The following HSF4 variants were observed in gnomAD, a reference collection of about 807,000 sequenced individuals.
HSF4 encodes heat shock transcription factor 4.
A neutral mutation model predicts 52.0 loss-of-function variants in HSF4; 41 were observed. That is an observed-to-expected ratio of 0.79 (90% CI 0.61 to 1.02). The LOEUF (loss-of-function observed/expected upper bound fraction) is 1.02, where lower values mean the gene tolerates loss of function less well. Among genes scored for constraint, HSF4 ranks in the 50% least tolerant of loss-of-function variants. The pLI, the probability that HSF4 is intolerant of heterozygous loss-of-function variation, is 0.00. For missense variants in HSF4, 610 were observed against 651.1 expected (o/e 0.94, Z 0.69); for synonymous variants, 285 against 273.0 (o/e 1.04, Z -0.43).
chr16:67,164,371 T>TC, upstream of HSF4: 1 of 400,884 alleles, frequency 2.5e-6, no homozygotes, highest in East Asian at 7.5e-5. Context: ...GGGGCGTGCT[T>TC]CCCTGCCCCC....
Position 67,167,610 on chromosome 16 carries a change from C to CA in HSF4, c.854+12dup. 1 of 1,612,898 alleles carries CA rather than the reference C, an allele frequency of 6.2e-7. No homozygotes were observed. The highest frequency in any genetic ancestry group is 8.5e-7 in the Non-Finnish European group (1 of 1,179,660). On this transcript the variant is annotated intron_variant, in intron 8 of 12. Coordinates refer to ENST00000521374, the MANE Select transcript of HSF4 (RefSeq NM_001374675.1). ...CAGTGATGGCAGGAGGTAAGGGGGA[C>CA]AGGGCTGCCCCTGAGGGGCCTGTGG...
chr16:67,163,893 G>A, upstream of HSF4: 2 of 1,516,134 alleles, frequency 1.3e-6, no homozygotes, highest in Non-Finnish European at 8.8e-7. Context: ...GTCCAGGCGC[G>A]CCCCGAGTGC....
At chr16:67,167,294 C>T in intron 7 of HSF4, 72 bp downstream of exon 7, 1 of 1,610,992 alleles carries the variant, frequency 6.2e-7, no homozygotes, top group South Asian at 1.1e-5. Context: ...TCTCCCCATC[C>T]CCTAAAAGGA....
chr16:67,165,013 C>T lies in HSF4; in HGVS notation c.123+79C>T. Reference sequence around the variant, plus strand: ...AGTGAACACCCATGCCCGCCCAACCCCCTCCTGAGACTGGGCCGTGGATCC... The same window carrying T: ...AGTGAACACCCATGCCCGCCCAACCTCCTCCTGAGACTGGGCCGTGGATCC... On this transcript the variant is annotated intron_variant, in intron 1 of 12. Transcript: ENST00000521374. This position sits in a 1 kb window ranked among gnomAD's most constrained non-coding sequence, Gnocchi z 6.9. 2 of 1,418,508 alleles carry T rather than the reference C, an allele frequency of 1.4e-6. No individual in the cohort carries two copies. Among genetic ancestry groups the T allele is most frequent in the Non-Finnish European group, 1.9e-6 (2 of 1,059,888 alleles). The allele number at this position is 1,418,508 out of a possible 1,614,324, so 87.9% of individuals were successfully genotyped here.
At position 67,169,781 on chromosome 16, in the gene HSF4, C is replaced by G. The variant is rs182365484; in HGVS notation, c.1475C>G (p.Pro492Arg). Residue 492 changes from proline to arginine, a missense_variant, in exon 13 of 13, where the codon CCC (proline) becomes CGC (arginine). Physicochemically the swap from Pro to Arg is moderately radical, Grantham distance 103. Coordinates refer to ENST00000521374, the MANE Select transcript of HSF4 (RefSeq NM_001374675.1). The surrounding 1 kb of genome is among the most constrained non-coding windows in gnomAD (Gnocchi z 4.3). ...TTGGGCCCGGAAGCCAGTCCCTCCC[C>G]CTAAGACCCCGCGCCTCTGAAGGGG... Reference protein sequence around the residue: ...SYLGPEASPSP With the variant: ...SYLGPEASPSR The G allele has an allele frequency of 5.3e-5, 85 of 1,613,126 alleles. No homozygotes were observed. The highest frequency in any genetic ancestry group is 3.6e-4 in the East Asian group (16 of 44,872).
At position 67,165,755 on chromosome 16, in the gene HSF4, G is replaced by C. The variant is rs771474613; in HGVS notation, c.269G>C (p.Gly90Ala). Residue 90 changes from glycine (G) to alanine (A), a missense_variant, in exon 3 of 13, where the codon GGC (glycine) becomes GCC (alanine). Physicochemically the swap from Gly to Ala is moderately conservative, Grantham distance 60. Transcript: ENST00000521374. The surrounding 1 kb of genome is among the most constrained non-coding windows in gnomAD (Gnocchi z 6.9). ...AAGGTGGTGAGCATCGAGCAGGGCG[G>C]CCTGCTTAGGCCGGAGCGCGACCAC... Reference protein sequence around the residue: ...FRKVVSIEQGGLLRPERDHVE... With the variant: ...FRKVVSIEQGALLRPERDHVE... 7 of 1,611,128 alleles carry C rather than the reference G, an allele frequency of 4.3e-6. No individual in the cohort carries two copies. Among genetic ancestry groups the C allele is most frequent in the Non-Finnish European group, 5.9e-6 (7 of 1,179,786 alleles).
chr16:67,163,890 C>A (rs1340175389), upstream of HSF4: 7 of 1,519,282 alleles, frequency 4.6e-6, no homozygotes, highest in Admixed American at 9.9e-5. Context: ...GGTGTCCAGG[C>A]GCGCCCCGAG....
Position 67,166,540 on chromosome 16 carries a change from C to G in HSF4, c.562-18C>G. 2 of 1,613,778 alleles carry G rather than the reference C, an allele frequency of 1.2e-6. No individual in the cohort carries two copies. The highest frequency in any genetic ancestry group is 1.3e-5 in the African/African-American group (1 of 75,024). On this transcript the variant is annotated intron_variant, in intron 5 of 12. Transcript: ENST00000521374. ...GGCTGTGTCCAAAGTATGAATTAAACCTTTGCTTTCTCTTCAGCTGATCCA... is the reference window on the plus strand; with the variant it reads ...GGCTGTGTCCAAAGTATGAATTAAAGCTTTGCTTTCTCTTCAGCTGATCCA...
chr16:67,166,424 C>T (rs777140776), intron 5 of HSF4, 29 bp downstream of exon 5: 26 of 1,596,996 alleles, frequency 1.6e-5, no homozygotes, highest in Non-Finnish European at 1.0e-5. Flanking sequence ...CTCGCTTCTC[C>T]CTCCCACTCC....
At position 67,167,237 on chromosome 16, in the gene HSF4, T is replaced by C; in HGVS notation, c.729+15T>C. 1.2e-6 allele frequency: 2 copies of C among 1,614,090 alleles called. No homozygotes were observed. The highest frequency in any genetic ancestry group is 1.7e-6 in the Non-Finnish European group (2 of 1,179,996). ...TCATCCAGTCGGTAGGTTTGTCTTC[T>C]TCCCCCTTCCCAAGGGCATGGCTGG... On this transcript the variant is annotated intron_variant, in intron 7 of 12. Transcript: ENST00000521374.
chr16:67,167,120 G>T lies in HSF4; in HGVS notation c.627G>T (p.Leu209=), dbSNP rs916927703. ...GPSNAGGKRK[L]SLMLDEGSSC... ...GCCTGTGCCCTGATCGACCACACAG[G>T]TCCCTGATGCTGGATGAGGGGAGCT... The change falls in exon 7 of 13, where the codon CTG becomes CTT. Residue 209 remains leucine, a splice_region_variant and synonymous_variant. Transcript: ENST00000521374. 2.0e-5 allele frequency: 32 copies of T among 1,614,034 alleles called. No homozygotes were observed. In the East Asian group the frequency reaches 4.7e-4, roughly 24 times the overall value.
Position 67,169,764 on chromosome 16 carries a change from G to A in HSF4, c.1458G>A (p.Pro486=), listed in dbSNP as rs1310271432. 8 of 1,612,908 alleles carry A rather than the reference G, an allele frequency of 5.0e-6. No individual in the cohort carries two copies. Among genetic ancestry groups the A allele is most frequent in the Non-Finnish European group, 6.8e-6 (8 of 1,179,994 alleles). Residue 486 remains proline (P), a synonymous_variant, in exon 13 of 13, where the codon CCG becomes CCA. Coordinates refer to ENST00000521374, the MANE Select transcript of HSF4 (RefSeq NM_001374675.1). The surrounding 1 kb of genome is among the most constrained non-coding windows in gnomAD (Gnocchi z 4.3). ...PESRTASYLG[P]EASPSP The stretch of plus-strand genomic sequence containing the variant: ...GCCGGACTGCCTCCTACTTGGGCCC[G>A]GAAGCCAGTCCCTCCCCCTAAGACC...
rs1394418649 is a variant in HSF4 at position 67,167,584 on chromosome 16, C to T, written c.839C>T (p.Ser280Phe). 3 of 1,613,488 alleles carry T rather than the reference C, an allele frequency of 1.9e-6. No individual in the cohort carries two copies. The highest frequency in any genetic ancestry group is 2.5e-6 in the Non-Finnish European group (3 of 1,179,924). ...CCTGAGGGGACCAGGCTTTCTCCCT[C>T]CAGTGATGGCAGGAGGTAAGGGGGA... is the stretch of plus-strand genomic sequence containing the variant. ...PSPEGTRLSP[S>F]SDGRREKGLA... The change falls in exon 8 of 13, where the codon TCC (serine) becomes TTC (phenylalanine). Residue 280 changes from serine to phenylalanine, a missense_variant. Physicochemically the swap from Ser to Phe is radical, Grantham distance 155 (BLOSUM62 -2). Transcript: ENST00000521374.
chr16:67,167,928 C>G lies in HSF4; in HGVS notation c.1063C>G (p.Pro355Ala). ...TGCCCAACAGCCTGAACCAGGGGAT[C>G]CCAGGGAGATACCTGACAGGTGAGC... The part of the protein sequence containing the change: ...RNAQQPEPGD[P>A]REIPDRGPLG... The change falls in exon 9 of 13, where the codon CCC becomes GCC. Residue 355 changes from proline (P) to alanine (A), a missense_variant. Pro to Ala is a conservative substitution (Grantham distance 27). Coordinates refer to ENST00000521374, the MANE Select transcript of HSF4 (RefSeq NM_001374675.1). 1 of 1,596,822 alleles carries G rather than the reference C, an allele frequency of 6.3e-7. No individual in the cohort carries two copies. The highest frequency in any genetic ancestry group is 1.1e-5 in the South Asian group (1 of 89,644).
chr16:67,163,879 G>GA (rs1477431686), upstream of HSF4: 2 of 1,526,916 alleles, frequency 1.3e-6, no homozygotes, highest in Non-Finnish European at 1.7e-6. Context: ...GGAACGGGGG[G>GA]GGTGTCCAGG....
intron 5 of HSF4, 58 bp from the exon 6 acceptor site, chr16:67,166,500 G>T (rs2031307956): frequency 3.7e-6 from 6 of 1,605,322 alleles, no homozygotes; most frequent in Non-Finnish European, 5.1e-6. Flanking sequence ...TCACCTGGAA[G>T]TGCGGGGGTG....
At position 67,169,588 on chromosome 16, in the gene HSF4, G is replaced by A; in HGVS notation, c.1325-43G>A. 1 of 1,601,220 alleles carries A rather than the reference G, an allele frequency of 6.2e-7. No homozygotes were observed. The highest frequency in any genetic ancestry group is 1.1e-5 in the South Asian group (1 of 91,076). ...GGGCTCTCCTTCCCTGAAGAAAGGA[G>A]GGGGAACATTTCCCCTGGTGAGCGC... On this transcript the variant is annotated intron_variant, in intron 12 of 12. Transcript: ENST00000521374. The surrounding 1 kb of genome is among the most constrained non-coding windows in gnomAD (Gnocchi z 4.3).
At chr16:67,168,301 C>T (rs2031451149) in intron 9 of HSF4, among the ~76,000 whole-genome samples, 1 of 152,068 alleles carries the variant, frequency 6.6e-6, no homozygotes, top group Admixed American at 6.5e-5. Flanking sequence ...GTGAAACCCC[C>T]CGCCTCTGCT....
Position 67,165,830 on chromosome 16 carries a change from A to G in HSF4, c.344A>G (p.Glu115Gly), listed in dbSNP as rs758082795. The change falls in exon 3 of 13, where the codon GAG becomes GGG. Residue 115 changes from glutamate (E) to glycine (G), a missense_variant. Glu to Gly is a moderately conservative substitution (Grantham distance 98, BLOSUM62 -2). Transcript: ENST00000521374. This position sits in a 1 kb window ranked among gnomAD's most constrained non-coding sequence, Gnocchi z 6.9. The stretch of plus-strand genomic sequence containing the variant: ...GTGCGCGGCCGCGAGCAGCTACTGG[A>G]GCGCGTGCGGCGCAAGGTGGGGGCG... Reference protein sequence around the residue: ...SFVRGREQLLERVRRKVPALR... With the variant: ...SFVRGREQLLGRVRRKVPALR... 1.2e-4 allele frequency: 187 copies of G among 1,605,388 alleles called. No individual in the cohort carries two copies. Among genetic ancestry groups the G allele is most frequent in the Non-Finnish European group, 1.5e-4 (172 of 1,179,156 alleles).
Sources: gnomAD v4.1 joint callset for allele counts (sites outside exome capture counted in the v4.1 genomes callset) on GRCh38, gnomAD v4.1.1 for gene constraint, Gnocchi (gnomAD v3.1) non-coding constraint, MANE v1.5 for transcripts, NCBI Gene and HGNC (gene_info 2026-07-23, HGNC 2026-07-21) for gene names.